The following RNF130 variants were observed in gnomAD, a reference collection of about 807,000 sequenced individuals.
The protein encoded by RNF130 is E3 ubiquitin-protein ligase RNF130.
RNF130 carries 21 observed loss-of-function variants against 44.6 expected under a neutral mutation model. The ratio of observed to expected loss-of-function variants is 0.47; its 90% CI spans 0.33 to 0.68. The LOEUF is 0.68. Among genes scored for constraint, RNF130 ranks in the 30% least tolerant of loss-of-function variants. The pLI is 0.02. For missense variants in RNF130, 479 were observed against 560.6 expected (o/e 0.85, Z 1.47); for synonymous variants, 214 against 210.4 (o/e 1.02, Z -0.15).
In RNF130 at chr5:179,970,408, A is replaced by G; in HGVS notation, c.945+2T>C. 1 of 1,603,726 alleles carries G rather than the reference A, an allele frequency of 6.2e-7. No individual in the cohort carries two copies. On this transcript the variant is annotated splice_donor_variant, in intron 6 of 8. Transcript: ENST00000521389. LOFTEE classifies it high-confidence loss of function. ...TGGTAACAAATAAAATAGGAAACGT[A>G]CCACAATTCCCAGGGCCTTCAATAT...
At chr5:180,001,948 C>T (rs1336891800) in intron 3 of RNF130, among the ~76,000 whole-genome samples, 1 of 152,212 alleles carries the variant, frequency 6.6e-6, no homozygotes, top group Non-Finnish European at 1.5e-5. Context: ...ACATGGTGTA[C>T]TATATCAGCT....
chr5:179,987,401 T>A (rs1762979558), intron 3 of RNF130, among the ~76,000 whole-genome samples: 1 of 152,214 alleles, frequency 6.6e-6, no homozygotes, highest in East Asian at 1.9e-4. Context: ...ACTACTTGGC[T>A]CAAGTGATCC....
chr5:179,960,374 T>C (rs1007621511), intron 8 of RNF130, among the ~76,000 whole-genome samples: 2 of 152,254 alleles, frequency 1.3e-5, no homozygotes, highest in Non-Finnish European at 2.9e-5. Context: ...CAGTACTAAA[T>C]AAACAGTATT....
rs1561674153 is a variant in RNF130, at chr5:179,970,435, T to G, written c.920A>C (p.Asn307Thr). 7 of 1,613,176 alleles carry G rather than the reference T, an allele frequency of 4.3e-6. No homozygotes were observed. Among genetic ancestry groups the G allele is most frequent in the Non-Finnish European group, 5.9e-6 (7 of 1,179,604 alleles). ...CACAATTCCCAGGGCCTTCAATATA[T>G]TAAGTTTGCACATAGGACAGGTACA... ...EHCTCPMCKL[N>T]ILKALGIVPN... The change falls in exon 6 of 9, where the codon AAT becomes ACT. Residue 307 changes from asparagine to threonine, a missense_variant. Asn to Thr is a moderately conservative substitution (Grantham distance 65). Around this residue, in one of 3 missense-constraint regions of RNF130, gnomAD observed 161 missense variants for 158.6 expected, o/e 1.02. Transcript: ENST00000521389.
chr5:180,015,314 G>A, intron 2 of RNF130: 1 of 531,690 alleles, frequency 1.9e-6, no homozygotes, highest in South Asian at 1.4e-5. Flanking sequence ...AAGATACCAG[G>A]TATGGCTATA....
At chr5:180,024,640 C>A (rs1763947968) in intron 2 of RNF130, among the ~76,000 whole-genome samples, 1 of 152,102 alleles carries the variant, frequency 6.6e-6, no homozygotes, top group South Asian at 2.1e-4. Flanking sequence ...TGAGAGAATT[C>A]ATCATCAGGA....
At chr5:179,965,481 C>T (rs1172691595) in intron 7 of RNF130, among the ~76,000 whole-genome samples, 4 of 152,130 alleles carry the variant, frequency 2.6e-5, no homozygotes, top group African/African-American at 9.7e-5. Context: ...TTTGAAAGGA[C>T]ATTTCTACAT....
At chr5:180,066,523 G>A (rs1347953031) in intron 1 of RNF130, among the ~76,000 whole-genome samples, 3 of 152,156 alleles carry the variant, frequency 2.0e-5, no homozygotes, top group Non-Finnish European at 4.4e-5. Context: ...AGTCTAGCAA[G>A]TTTGTTTAAA....
downstream of RNF130, among the ~76,000 whole-genome samples, chr5:179,950,145 CTCCATCCTGGGTGATGGAGT>C (rs1762104274): frequency 6.6e-6 from 1 of 152,056 alleles, no homozygotes; most frequent in African/African-American, 2.4e-5. Context: ...TAGAGTCTCA[CTCCATCCTGGGTGATGGAGT>C]GAAATGGCAT....
chr5:180,028,087 A>T (rs1764032211), intron 2 of RNF130, among the ~76,000 whole-genome samples: 1 of 152,190 alleles, frequency 6.6e-6, no homozygotes, highest in Admixed American at 6.5e-5. Context: ...TGTACTTAAA[A>T]TTACTTTTGT....
At chr5:180,055,822 G>A (rs1015174562) in intron 1 of RNF130, among the ~76,000 whole-genome samples, 12 of 152,074 alleles carry the variant, frequency 7.9e-5, no homozygotes, top group African/African-American at 2.2e-4. Flanking sequence ...CGTGGCTCAT[G>A]GCTGTAATCC....
At chr5:179,998,353 G>A (rs575115931) in intron 3 of RNF130, among the ~76,000 whole-genome samples, 7 of 152,138 alleles carry the variant, frequency 4.6e-5, no homozygotes, top group Non-Finnish European at 7.4e-5. Flanking sequence ...TTAGGAGCAC[G>A]TTTGTAAATT....
exon 8 of RNF130, chr5:179,912,512 G>C (rs1222272690): frequency 6.6e-6 from 1 of 152,230 alleles, no homozygotes; most frequent in South Asian, 2.1e-4. Flanking sequence ...AGGCTGTCTG[G>C]AGAACGCCTG....
chr5:180,040,795 A>G, intron 1 of RNF130, 148 bp from the exon 2 acceptor site: 1 of 658,796 alleles, frequency 1.5e-6, no homozygotes, highest in African/African-American at 1.8e-5. Context: ...TCCACAAACA[A>G]TACAATGAAG....
intron 1 of RNF130, among the ~76,000 whole-genome samples, chr5:180,060,475 G>T (rs908309248): frequency 6.6e-6 from 1 of 152,168 alleles, no homozygotes; most frequent in African/African-American, 2.4e-5. Flanking sequence ...AGTCAATAAA[G>T]TGAGTTAGAA....
At chr5:179,980,771 C>G (rs1159060039) in intron 3 of RNF130, among the ~76,000 whole-genome samples, 1 of 152,216 alleles carries the variant, frequency 6.6e-6, no homozygotes, top group South Asian at 2.1e-4. Flanking sequence ...CAGGGTTGAG[C>G]TGTTTTCATT....
At chr5:180,050,394 G>A (rs1466649822) in intron 1 of RNF130, among the ~76,000 whole-genome samples, 1 of 152,184 alleles carries the variant, frequency 6.6e-6, no homozygotes, top group Non-Finnish European at 1.5e-5. Context: ...TTCTATTCAT[G>A]CCATCAGTGG....
At chr5:179,974,285 C>T (rs1012824125) in intron 5 of RNF130, among the ~76,000 whole-genome samples, 5 of 152,174 alleles carry the variant, frequency 3.3e-5, no homozygotes, top group African/African-American at 1.2e-4. Context: ...CGTTCATCCA[C>T]GCGGCAACTC....
intron 1 of RNF130, among the ~76,000 whole-genome samples, chr5:180,048,130 A>G (rs1417214693): frequency 6.6e-6 from 1 of 152,150 alleles, no homozygotes; most frequent in Non-Finnish European, 1.5e-5. Context: ...AATCAGGTCA[A>G]CAGCATGCTA....
Sources: gnomAD v4.1 joint callset for allele counts (sites outside exome capture counted in the v4.1 genomes callset) on GRCh38, gnomAD v4.1.1 for gene constraint, gnomAD v4.1.1 regional missense constraint, MANE v1.5 for transcripts, NCBI Gene and HGNC (gene_info 2026-07-23, HGNC 2026-07-21) for gene names.